Variants in C12orf42 observed in about 807,000 individuals in gnomAD.
C12orf42 encodes uncharacterized protein C12orf42.
A neutral mutation model predicts 21.6 loss-of-function variants in C12orf42; 25 were observed. The ratio of observed to expected loss-of-function variants is 1.16; its 90% CI spans 0.84 to 1.62. The LOEUF is 1.62. Among genes scored for constraint, C12orf42 ranks in the 40% most tolerant of loss-of-function variants. The pLI is 0.00. For missense variants in C12orf42, 483 were observed against 459.3 expected (o/e 1.05, Z -0.47); for synonymous variants, 174 against 175.0 (o/e 0.99, Z 0.05).
At chr12:103,330,362 G>A (rs1232510090) in intron 4 of C12orf42, among the ~76,000 whole-genome samples, 6 of 152,190 alleles carry the variant, frequency 3.9e-5, no homozygotes, top group Admixed American at 3.9e-4. Flanking sequence ...ATTTAAGAAT[G>A]AGGAGGGAGT....
the C12orf42 span, among the ~76,000 whole-genome samples, chr12:103,061,617 A>G: frequency 6.6e-6 from 1 of 152,000 alleles, no homozygotes; most frequent in African/African-American, 2.4e-5. Flanking sequence ...CCTTTTATTA[A>G]TACAAAGTAT....
chr12:103,385,286 T>C (rs1294894519), intron 3 of C12orf42, among the ~76,000 whole-genome samples: 1 of 152,214 alleles, frequency 6.6e-6, no homozygotes, highest in African/African-American at 2.4e-5. Context: ...TTAGCAAACA[T>C]ACTTACCATT....
intron 3 of C12orf42, among the ~76,000 whole-genome samples, chr12:103,374,299 A>G (rs1235525214): frequency 6.6e-6 from 1 of 152,168 alleles, no homozygotes; most frequent in Non-Finnish European, 1.5e-5. Context: ...GCAAATGCCC[A>G]GATCTGAGCA....
the C12orf42 span, among the ~76,000 whole-genome samples, chr12:103,547,472 C>T: frequency 7.9e-5 from 12 of 152,232 alleles, no homozygotes; most frequent in Admixed American, 5.2e-4. Flanking sequence ...AAATGTCTTA[C>T]ATGGAAATTC....
chr12:103,458,996 G>A (rs1952503400), intron 2 of C12orf42, among the ~76,000 whole-genome samples: 1 of 151,986 alleles, frequency 6.6e-6, no homozygotes, highest in Non-Finnish European at 1.5e-5. Context: ...TGGGAGATGT[G>A]AGAAAAGACA....
chr12:103,523,462 C>A, the C12orf42 span, among the ~76,000 whole-genome samples: 1 of 151,522 alleles, frequency 6.6e-6, no homozygotes, highest in Non-Finnish European at 1.5e-5. Flanking sequence ...TCCTCATATT[C>A]CAAAAGTTTT....
chr12:103,391,313 T>C (rs2138448162), intron 3 of C12orf42, among the ~76,000 whole-genome samples: 1 of 152,346 alleles, frequency 6.6e-6, no homozygotes, highest in South Asian at 2.1e-4. Context: ...AGTCATATGG[T>C]AATTCTATGT....
chr12:103,469,679 T>G (rs985101948), intron 2 of C12orf42, among the ~76,000 whole-genome samples: 4 of 152,192 alleles, frequency 2.6e-5, no homozygotes, highest in African/African-American at 9.7e-5. Flanking sequence ...TTAAGATAGA[T>G]TCTCAGAAGG....
intron 4 of C12orf42, among the ~76,000 whole-genome samples, chr12:103,359,811 T>C (rs990733324): frequency 5.9e-5 from 9 of 152,014 alleles, no homozygotes; most frequent in Non-Finnish European, 1.2e-4. Context: ...CTCACTTCTG[T>C]GTCTCCAGAA....
At chr12:103,303,794 A>G in intron 5 of C12orf42, among the ~76,000 whole-genome samples, 1 of 152,226 alleles carries the variant, frequency 6.6e-6, no homozygotes. Context: ...TAAAGGCAGA[A>G]TGGCATTTTA....
chr12:103,122,601 A>T, the C12orf42 span, among the ~76,000 whole-genome samples: 1 of 152,124 alleles, frequency 6.6e-6, no homozygotes, highest in South Asian at 2.1e-4. Flanking sequence ...AATCTGAAGG[A>T]GGTAGGAGAG....
chr12:103,451,183 A>C (rs542143666), intron 2 of C12orf42, among the ~76,000 whole-genome samples: 2 of 151,882 alleles, frequency 1.3e-5, no homozygotes, highest in Admixed American at 1.3e-4. Context: ...CCAAATGGAG[A>C]CAATATTTTC....
At chr12:103,054,763 T>G in the C12orf42 span, among the ~76,000 whole-genome samples, 2 of 151,934 alleles carry the variant, frequency 1.3e-5, no homozygotes, top group African/African-American at 4.8e-5. Context: ...TATTCCTATC[T>G]TTCTGAGAGT....
chr12:103,353,935 G>A (rs983198433), intron 4 of C12orf42, among the ~76,000 whole-genome samples: 3 of 152,148 alleles, frequency 2.0e-5, no homozygotes, highest in African/African-American at 7.2e-5. Context: ...GAAAGAGAAA[G>A]AAATCTTCAG....
the C12orf42 span, among the ~76,000 whole-genome samples, chr12:103,093,812 T>C: frequency 6.6e-6 from 1 of 152,198 alleles, no homozygotes; most frequent in Admixed American, 6.5e-5. Context: ...GGTGCTAATC[T>C]GTGGATAGTA....
chr12:103,355,494 G>A (rs1056395561), intron 4 of C12orf42, among the ~76,000 whole-genome samples: 1 of 152,112 alleles, frequency 6.6e-6, no homozygotes, highest in African/African-American at 2.4e-5. Context: ...CATTCTGCTT[G>A]TTGACCATCC....
downstream of C12orf42, among the ~76,000 whole-genome samples, chr12:103,236,665 T>G: frequency 6.6e-6 from 1 of 152,198 alleles, no homozygotes; most frequent in Non-Finnish European, 1.5e-5. Flanking sequence ...TTGGTTCTTC[T>G]ACAATGGGCC....
intron 4 of C12orf42, among the ~76,000 whole-genome samples, chr12:103,367,750 A>G (rs1392681417): frequency 6.6e-6 from 1 of 151,934 alleles, no homozygotes; most frequent in African/African-American, 2.4e-5. Flanking sequence ...TAGTTTTTGA[A>G]CCATGTAAAT....
the C12orf42 span, among the ~76,000 whole-genome samples, chr12:103,232,056 C>A: frequency 3.9e-5 from 6 of 152,112 alleles, no homozygotes; most frequent in Non-Finnish European, 8.8e-5. Context: ...TCTCTGATGA[C>A]ATGATGTGAA....
Sources: gnomAD v4.1 joint callset for allele counts (sites outside exome capture counted in the v4.1 genomes callset) on GRCh38, gnomAD v4.1.1 for gene constraint, MANE v1.5 for transcripts, NCBI Gene and HGNC (gene_info 2026-07-23, HGNC 2026-07-21) for gene names.